Variants in PRKCE observed in about 807,000 individuals in gnomAD.
PRKCE encodes protein kinase C epsilon type.
In PRKCE, 16 loss-of-function variants were observed where a neutral mutation model predicts 85.4. The ratio of observed to expected loss-of-function variants is 0.19; its 90% CI spans 0.13 to 0.28. The LOEUF is 0.28. PRKCE is among the 10% of genes least tolerant of loss of function. The pLI is 1.00. For synonymous variants in PRKCE, 388 were observed against 371.5 expected, an observed-to-expected ratio of 1.04 and a Z score of -0.51; for missense variants, 573 against 975.2, an observed-to-expected ratio of 0.59 and a Z score of 5.49.
chr2:45,781,848 T>G (rs937022462), intron 1 of PRKCE, among the ~76,000 whole-genome samples: 1 of 152,118 alleles, frequency 6.6e-6, no homozygotes, highest in Non-Finnish European at 1.5e-5. Context: ...ATCATCAATT[T>G]CATTGCTAGA....
chr2:45,846,681 C>G (rs546048328), intron 2 of PRKCE, among the ~76,000 whole-genome samples: 56 of 152,266 alleles, frequency 3.7e-4, no homozygotes, highest in African/African-American at 1.3e-3. Flanking sequence ...CTGTGGGACT[C>G]AACAGATAGA....
At chr2:45,998,505 A>G (rs1473936910) in intron 6 of PRKCE, among the ~76,000 whole-genome samples, 1 of 152,164 alleles carries the variant, frequency 6.6e-6, no homozygotes, top group Non-Finnish European at 1.5e-5. Context: ...AGCATGGTAT[A>G]TCTTACTCTA....
At chr2:45,745,357 C>G (rs1683055328) in intron 1 of PRKCE, among the ~76,000 whole-genome samples, 1 of 152,134 alleles carries the variant, frequency 6.6e-6, no homozygotes, top group Non-Finnish European at 1.5e-5. Context: ...TTGCCTGGAA[C>G]TTAGTCACCC....
chr2:46,053,614 G>C (rs550533112), intron 10 of PRKCE, among the ~76,000 whole-genome samples: 19 of 152,084 alleles, frequency 1.2e-4, no homozygotes, highest in Non-Finnish European at 2.4e-4. Flanking sequence ...CTATCTTTTT[G>C]TGTCTGGCCT....
At chr2:45,963,672 T>C (rs1701536843) in intron 2 of PRKCE, among the ~76,000 whole-genome samples, 1 of 152,216 alleles carries the variant, frequency 6.6e-6, no homozygotes, top group African/African-American at 2.4e-5. Context: ...TTTCATTGCC[T>C]TTTATCTCCA....
chr2:45,970,944 T>C (rs73926133), intron 2 of PRKCE, among the ~76,000 whole-genome samples: 12,055 of 151,066 alleles, frequency 0.08, 912 homozygotes, highest in African/African-American at 0.2. Flanking sequence ...CATACATTTA[T>C]GTATCTGTTA....
intron 6 of PRKCE, among the ~76,000 whole-genome samples, chr2:45,995,765 T>C (rs1461297223): frequency 6.6e-6 from 1 of 152,210 alleles, no homozygotes; most frequent in East Asian, 1.9e-4. Context: ...TTATAGTAAG[T>C]CTTGAAATTG....
At position 45,977,403 on chromosome 2, in the gene PRKCE, G is replaced by A. The variant is rs141064552; in HGVS notation, c.572+815G>A. On this transcript the variant is annotated intron_variant, in intron 3 of 14. Transcript: ENST00000306156. ...TATAATCCCAGCACTTTGGGAGGCCGAGGCACGCAGATTGCTTGAGGTCAG... is the reference window on the plus strand; with the variant it reads ...TATAATCCCAGCACTTTGGGAGGCCAAGGCACGCAGATTGCTTGAGGTCAG... 4.2e-3 allele frequency among the ~76,000 whole-genome samples: 634 copies of A among 152,178 alleles called. 5 individuals are homozygous for A. The highest frequency in any genetic ancestry group is 0.014 in the African/African-American group (590 of 41,510).
chr2:46,071,506 C>T (rs544609340), intron 10 of PRKCE, among the ~76,000 whole-genome samples: 3 of 152,300 alleles, frequency 2.0e-5, no homozygotes, highest in South Asian at 2.1e-4. Context: ...AGCTTGTTCA[C>T]GCAGCTGAGC....
intron 11 of PRKCE, among the ~76,000 whole-genome samples, chr2:46,126,112 A>G (rs772728045): frequency 1.3e-5 from 2 of 152,168 alleles, no homozygotes; most frequent in Admixed American, 6.5e-5. Flanking sequence ...TCCAGAAGAA[A>G]AGTACTTATT....
chr2:45,824,092 G>T (rs987444051), intron 1 of PRKCE, among the ~76,000 whole-genome samples: 5 of 152,238 alleles, frequency 3.3e-5, no homozygotes, highest in African/African-American at 1.2e-4. Flanking sequence ...CTTTCTATGA[G>T]GGCACAGCCC....
At chr2:45,792,793 T>C (rs1687134455) in intron 1 of PRKCE, among the ~76,000 whole-genome samples, 2 of 152,200 alleles carry the variant, frequency 1.3e-5, no homozygotes, top group South Asian at 4.1e-4. Context: ...TGGTAGGTGG[T>C]ATAATTAATT....
intron 2 of PRKCE, among the ~76,000 whole-genome samples, chr2:45,894,976 G>A (rs1465269609): frequency 6.6e-6 from 1 of 152,232 alleles, no homozygotes; most frequent in African/African-American, 2.4e-5. Context: ...GTCTGTCTCA[G>A]CCTCCCAAAG....
intron 1 of PRKCE, among the ~76,000 whole-genome samples, chr2:45,668,896 G>A (rs1197835254): frequency 6.6e-6 from 1 of 152,114 alleles, no homozygotes; most frequent in Non-Finnish European, 1.5e-5. Flanking sequence ...GTTTACAAAT[G>A]GAGAAACCGA....
At chr2:45,961,488 T>C (rs1701374024) in intron 2 of PRKCE, among the ~76,000 whole-genome samples, 1 of 152,140 alleles carries the variant, frequency 6.6e-6, no homozygotes, top group South Asian at 2.1e-4. Flanking sequence ...CTAAAAGTCT[T>C]GTTATTTGTT....
intron 11 of PRKCE, among the ~76,000 whole-genome samples, chr2:46,133,829 T>G (rs1674698051): frequency 6.6e-6 from 1 of 152,192 alleles, no homozygotes; most frequent in Non-Finnish European, 1.5e-5. Flanking sequence ...AGCAAAATAA[T>G]GACAAGTTGT....
chr2:46,176,392 C>G (rs1382977090), intron 14 of PRKCE, among the ~76,000 whole-genome samples: 1 of 151,918 alleles, frequency 6.6e-6, no homozygotes, highest in Non-Finnish European at 1.5e-5. Flanking sequence ...GCTCTGCCTA[C>G]TGCTTGGTAA....
intron 1 of PRKCE, among the ~76,000 whole-genome samples, chr2:45,716,165 C>A (rs1265592869): frequency 2.0e-5 from 3 of 152,220 alleles, no homozygotes; most frequent in Non-Finnish European, 4.4e-5. Context: ...GTTTCTCCAG[C>A]TTTCAAATGT....
intron 2 of PRKCE, among the ~76,000 whole-genome samples, chr2:45,925,548 G>A (rs1044297625): frequency 2.6e-5 from 4 of 152,072 alleles, no homozygotes; most frequent in Admixed American, 6.6e-5. Flanking sequence ...CACCCGCCTC[G>A]GCCTCCCAAA....
Sources: allele counts gnomAD v4.1 joint callset (sites outside exome capture counted in the v4.1 genomes callset), GRCh38; gene constraint gnomAD v4.1.1; transcripts MANE v1.5; gene names NCBI Gene and HGNC (gene_info 2026-07-23, HGNC 2026-07-21).